The following SRPK2 variants were observed in gnomAD, a reference collection of about 807,000 sequenced individuals.
SRPK2 encodes the protein SFRS protein kinase 2.
A neutral mutation model predicts 90.8 loss-of-function variants in SRPK2; 21 were observed. That is an observed-to-expected ratio of 0.23 (90% CI 0.16 to 0.33). SRPK2 has a LOEUF of 0.33. Among genes scored for constraint, SRPK2 ranks in the 10% least tolerant of loss-of-function variants. SRPK2 has a pLI of 1.00. For missense variants in SRPK2, 620 were observed against 869.0 expected, an observed-to-expected ratio of 0.71 and a Z score of 3.60; for synonymous variants, 288 against 311.1, an observed-to-expected ratio of 0.93 and a Z score of 0.78.
intron 2 of SRPK2, among the ~76,000 whole-genome samples, chr7:105,266,906 T>A (rs909573525): frequency 1.3e-5 from 2 of 152,188 alleles, no homozygotes; most frequent in African/African-American, 4.8e-5. Flanking sequence ...GGAGAGTACC[T>A]TCTTGTTGTA....
chr7:105,307,664 C>A (rs778262055), intron 2 of SRPK2, among the ~76,000 whole-genome samples: 1 of 152,220 alleles, frequency 6.6e-6, no homozygotes, highest in East Asian at 1.9e-4. Flanking sequence ...TGACTTCCTA[C>A]AGAATCCAGG....
chr7:105,347,225 G>A (rs78972965), intron 2 of SRPK2, among the ~76,000 whole-genome samples: 1,666 of 151,816 alleles, frequency 0.011, 23 homozygotes, highest in African/African-American at 0.038. Context: ...CACCGCGCCC[G>A]GCTAATTATT....
intron 2 of SRPK2, among the ~76,000 whole-genome samples, chr7:105,247,290 A>G (rs919374951): frequency 2.6e-5 from 4 of 152,238 alleles, no homozygotes; most frequent in Non-Finnish European, 5.9e-5. Context: ...TGGCTTGGGT[A>G]AGTTATCTCA....
At chr7:105,162,795 A>G (rs1353992777) in intron 6 of SRPK2, among the ~76,000 whole-genome samples, 1 of 152,246 alleles carries the variant, frequency 6.6e-6, no homozygotes, top group African/African-American at 2.4e-5. Flanking sequence ...GCATATCTGG[A>G]TATGATGATT....
At chr7:105,158,967 G>A (rs1344068062) in intron 7 of SRPK2, among the ~76,000 whole-genome samples, 1 of 151,810 alleles carries the variant, frequency 6.6e-6, no homozygotes, top group Non-Finnish European at 1.5e-5. Context: ...TGAGATATCA[G>A]CCTGTCGAAA....
intron 3 of SRPK2, among the ~76,000 whole-genome samples, chr7:105,185,300 A>C (rs553031872): frequency 7.8e-4 from 118 of 152,182 alleles, no homozygotes; most frequent in Non-Finnish European, 1.3e-3. Context: ...AAAAATTCTT[A>C]GTAACTAAAA....
intron 2 of SRPK2, among the ~76,000 whole-genome samples, chr7:105,223,998 T>G (rs1288484742): frequency 6.6e-6 from 1 of 152,194 alleles, no homozygotes; most frequent in African/African-American, 2.4e-5. Flanking sequence ...ATTCCCCACC[T>G]GGAATTTTTG....
At chr7:105,224,369 G>C (rs1272530459) in intron 2 of SRPK2, among the ~76,000 whole-genome samples, 1 of 152,082 alleles carries the variant, frequency 6.6e-6, no homozygotes, top group East Asian at 1.9e-4. Flanking sequence ...TAGGACTTTG[G>C]GACTCTGAGG....
rs146141654 is a variant in SRPK2 at position 105,368,442 on chromosome 7, G to C, written c.71+20206C>G. 6.2e-3 allele frequency among the ~76,000 whole-genome samples: 942 copies of C among 152,240 alleles called. 6 individuals carry two copies. The highest frequency in any genetic ancestry group is 9.8e-3 in the Non-Finnish European group (670 of 68,024). On this transcript the variant is annotated intron_variant, in intron 2 of 15. Transcript: ENST00000393651. Reference sequence around the variant, plus strand: ...GTTCTTACAATAATCTCTCTTTGAGGACTAGAAACTATTTTCTGTATCAGT... The same window carrying C: ...GTTCTTACAATAATCTCTCTTTGAGCACTAGAAACTATTTTCTGTATCAGT...
intron 3 of SRPK2, among the ~76,000 whole-genome samples, chr7:105,178,378 T>C (rs1020532876): frequency 1.3e-5 from 2 of 152,206 alleles, no homozygotes; most frequent in African/African-American, 2.4e-5. Flanking sequence ...GAAGCCATTG[T>C]TATTTAAGAA....
chr7:105,278,206 C>T (rs991260765), intron 2 of SRPK2, among the ~76,000 whole-genome samples: 3 of 151,008 alleles, frequency 2.0e-5, no homozygotes, highest in Non-Finnish European at 4.4e-5. Flanking sequence ...ATCCCAGCTA[C>T]TCAGGAGGCT....
intron 15 of SRPK2, among the ~76,000 whole-genome samples, chr7:105,122,239 G>C (rs953545430): frequency 1.3e-5 from 2 of 152,188 alleles, no homozygotes; most frequent in South Asian, 2.1e-4. Context: ...AGTAGGCAAT[G>C]ATTTATTAGA....
At chr7:105,330,854 A>G (rs1368755115) in intron 2 of SRPK2, among the ~76,000 whole-genome samples, 3 of 152,046 alleles carry the variant, frequency 2.0e-5, no homozygotes, top group African/African-American at 7.3e-5. Context: ...ATTAGCCAGC[A>G]TGGCTGTGTA....
chr7:105,332,501 T>C lies in SRPK2; in HGVS notation c.71+56147A>G, dbSNP rs375063957. Among the ~76,000 whole-genome samples the C allele has an allele frequency of 4.3e-4, 66 of 152,200 alleles. 1 individual carries two copies. In the South Asian group the frequency reaches 0.014, roughly 31 times the overall value. On this transcript the variant is annotated intron_variant, in intron 2 of 15. Transcript: ENST00000393651. ...TTTGTAGGCCAGGCGCAGTGTCTCA[T>C]GCCTGTAATCTCAGCACTTTGTGAG... is the stretch of plus-strand genomic sequence containing the variant.
intron 2 of SRPK2, among the ~76,000 whole-genome samples, chr7:105,275,070 T>C (rs989752962): frequency 1.3e-5 from 2 of 152,010 alleles, no homozygotes; most frequent in Admixed American, 1.3e-4. Flanking sequence ...GTATTTTTAG[T>C]AGAGACGGGG....
Position 105,203,775 on chromosome 7 carries a change from G to T in SRPK2, c.82C>A (p.Gln28Lys). Residue 28 changes from glutamine (Q) to lysine (K), a missense_variant, in exon 3 of 16, where the codon CAA (glutamine) becomes AAA (lysine). By Grantham distance (53) the Gln-to-Lys change is moderately conservative. Around this residue, in one of 8 missense-constraint regions of SRPK2, gnomAD observed 56 missense variants for 49.6 expected, o/e 1.13. Coordinates refer to ENST00000393651, the MANE Select transcript of SRPK2 (RefSeq NM_182692.3). ...GGAGGAACTAAAGGAGCTTTCTGTT[G>T]AGGCTCCGGCCTGAAAGAGCAGAGA... is the stretch of plus-strand genomic sequence containing the variant. ...REKHPKKPEPQQKAPLVPPPP... is the reference protein window; with the variant it reads ...REKHPKKPEPKQKAPLVPPPP... 6.3e-7 allele frequency: 1 copy of T among 1,587,814 alleles called. No homozygotes were observed. The highest frequency in any genetic ancestry group is 8.6e-7 in the Non-Finnish European group (1 of 1,166,632).
At chr7:105,337,737 C>G (rs1264999799) in intron 2 of SRPK2, among the ~76,000 whole-genome samples, 1 of 152,120 alleles carries the variant, frequency 6.6e-6, no homozygotes, top group African/African-American at 2.4e-5. Context: ...GGAACCTGAC[C>G]ATGCTGGCAG....
At chr7:105,130,232 T>G (rs1801804567) in intron 13 of SRPK2, among the ~76,000 whole-genome samples, 1 of 152,130 alleles carries the variant, frequency 6.6e-6, no homozygotes, top group Non-Finnish European at 1.5e-5. Context: ...CAACAGAGTC[T>G]CTGTGAGATT....
At chr7:105,201,203 T>C (rs928158014) in intron 3 of SRPK2, among the ~76,000 whole-genome samples, 3 of 152,198 alleles carry the variant, frequency 2.0e-5, no homozygotes, top group Non-Finnish European at 4.4e-5. Context: ...AGTAATCTTA[T>C]ACAAACTGTT....
Sources: gnomAD v4.1 joint callset for allele counts (sites outside exome capture counted in the v4.1 genomes callset) on GRCh38, gnomAD v4.1.1 for gene constraint, gnomAD v4.1.1 regional missense constraint, MANE v1.5 for transcripts, NCBI Gene and HGNC (gene_info 2026-07-23, HGNC 2026-07-21) for gene names.